The following ZMYM2 variants were observed in gnomAD, a reference collection of about 807,000 sequenced individuals.
The protein encoded by ZMYM2 is zinc finger MYM-type protein 2.
A neutral mutation model predicts 162.8 loss-of-function variants in ZMYM2; 56 were observed. That is an observed-to-expected ratio of 0.34 (90% CI 0.28 to 0.43). ZMYM2 has a LOEUF of 0.43. ZMYM2 is among the 20% of genes least tolerant of loss of function. ZMYM2 has a pLI of 1.00. For synonymous variants in ZMYM2, 510 were observed against 541.6 expected, an observed-to-expected ratio of 0.94 and a Z score of 0.81; for missense variants, 1,275 against 1,621.8, an observed-to-expected ratio of 0.79 and a Z score of 3.67.
chr13:20,052,995 A>T (rs1955499362), intron 14 of ZMYM2, among the ~76,000 whole-genome samples: 1 of 152,142 alleles, frequency 6.6e-6, no homozygotes, highest in Admixed American at 6.5e-5. Flanking sequence ...TTTTCCTCCA[A>T]TTTATTTTTC....
At chr13:20,018,202 C>T (rs1951779483) in intron 6 of ZMYM2, among the ~76,000 whole-genome samples, 1 of 152,094 alleles carries the variant, frequency 6.6e-6, no homozygotes, top group Non-Finnish European at 1.5e-5. Flanking sequence ...GATTCTTCTT[C>T]AGTGGATAGA....
At chr13:19,941,218 G>C in the ZMYM2 span, among the ~76,000 whole-genome samples, 4 of 151,614 alleles carry the variant, frequency 2.6e-5, no homozygotes, top group African/African-American at 9.7e-5. Context: ...GTGAAGTAGA[G>C]AATCGCTTCA....
chr13:20,019,106 C>CAA (rs67352152), intron 6 of ZMYM2, among the ~76,000 whole-genome samples: 1 of 134,940 alleles, frequency 7.4e-6, no homozygotes, highest in Non-Finnish European at 1.5e-5. Context: ...ACAACAACAA[C>CAA]AAAAAAAAAC....
the ZMYM2 span, among the ~76,000 whole-genome samples, chr13:19,896,703 GC>G: frequency 7.0e-3 from 957 of 136,816 alleles, 4 homozygotes; most frequent in Non-Finnish European, 0.01. Flanking sequence ...CTTGCAGTGA[GC>G]CAAGATTGTG....
At chr13:19,878,871 A>G in the ZMYM2 span, among the ~76,000 whole-genome samples, 1 of 152,126 alleles carries the variant, frequency 6.6e-6, no homozygotes, top group African/African-American at 2.4e-5. Context: ...TAGGAGTTAT[A>G]TATATAGACT....
intron 2 of ZMYM2, among the ~76,000 whole-genome samples, chr13:19,985,419 T>C (rs1461942255): frequency 6.6e-6 from 1 of 152,210 alleles, no homozygotes; most frequent in Non-Finnish European, 1.5e-5. Flanking sequence ...CTACCATGCC[T>C]GGCCCCATTC....
rs144807807 is a variant in ZMYM2, at chr13:20,054,834, CAG to C, written c.2493+2525_2493+2526del. 2.4e-3 allele frequency among the ~76,000 whole-genome samples: 360 copies of C among 152,202 alleles called. 3 individuals carry two copies. Among genetic ancestry groups the C allele is most frequent in the African/African-American group, 8.4e-3 (350 of 41,506 alleles). On this transcript the variant is annotated intron_variant, in intron 14 of 24. Transcript: ENST00000610343. ...AACTTTCCTAATGCCTGGTATGTAA[CAG>C]ATACTGTTTGCTAAGTTATTCTTTC...
intron 12 of ZMYM2, among the ~76,000 whole-genome samples, chr13:20,040,498 C>G (rs1307236819): frequency 2.0e-5 from 3 of 151,912 alleles, no homozygotes; most frequent in African/African-American, 7.3e-5. Context: ...ATTAGTCTAG[C>G]TAGCAGTCTG....
the ZMYM2 span, among the ~76,000 whole-genome samples, chr13:19,870,580 T>TTCCTTCCTTCCTTCCTTCC: frequency 3.8e-5 from 5 of 132,158 alleles, no homozygotes; most frequent in African/African-American, 1.5e-4. Context: ...CCTTCTTTCC[T>TTCCTTCCTTCCTTCCTTCC]TTCCTTCCTT....
At chr13:19,884,704 G>A in the ZMYM2 span, among the ~76,000 whole-genome samples, 5 of 152,152 alleles carry the variant, frequency 3.3e-5, no homozygotes, top group East Asian at 7.7e-4. Context: ...TCCTTGCGGC[G>A]GATTCCTGGT....
chr13:20,050,185 C>A (rs998377755), intron 12 of ZMYM2, among the ~76,000 whole-genome samples: 1 of 151,394 alleles, frequency 6.6e-6, no homozygotes, highest in Non-Finnish European at 1.5e-5. Context: ...TACTATAAAT[C>A]TTCATTTAAC....
At chr13:19,958,660 T>C (rs114744549), upstream of ZMYM2, 15,560 of 153,080 alleles carry the variant, frequency 0.1, 1,319 homozygotes, top group African/African-American at 0.22. Flanking sequence ...GCCTTCCCCG[T>C]CAGCCAATGA....
the ZMYM2 span, among the ~76,000 whole-genome samples, chr13:19,951,807 G>A: frequency 3.5e-4 from 53 of 152,198 alleles, no homozygotes; most frequent in Non-Finnish European, 2.4e-4. Context: ...TTAATACAGC[G>A]ATGATGGAAA....
At chr13:19,977,130 A>C (rs534754131) in intron 2 of ZMYM2, among the ~76,000 whole-genome samples, 3 of 152,160 alleles carry the variant, frequency 2.0e-5, no homozygotes, top group African/African-American at 7.2e-5. Context: ...TAGGTTTTCT[A>C]TCCTAACAGA....
chr13:19,918,290 C>CTA, the ZMYM2 span, among the ~76,000 whole-genome samples: 5 of 151,532 alleles, frequency 3.3e-5, no homozygotes, highest in African/African-American at 7.3e-5. Flanking sequence ...ACTAAAAATT[C>CTA]AAAAATTAGC....
chr13:20,056,646 G>T (rs1955817877), intron 14 of ZMYM2, among the ~76,000 whole-genome samples: 1 of 151,800 alleles, frequency 6.6e-6, no homozygotes, highest in African/African-American at 2.4e-5. Context: ...ATAACTGTTG[G>T]GAAGATGTTT....
chr13:19,985,945 G>C (rs567163993), intron 2 of ZMYM2, among the ~76,000 whole-genome samples: 5 of 152,142 alleles, frequency 3.3e-5, no homozygotes, highest in African/African-American at 1.2e-4. Context: ...CAGCTACTCA[G>C]GAGGTTGAGG....
intron 2 of ZMYM2, among the ~76,000 whole-genome samples, chr13:19,966,211 C>T (rs1238348964): frequency 1.3e-5 from 2 of 150,828 alleles, no homozygotes; most frequent in Admixed American, 6.6e-5. Context: ...CTCGGCTCAA[C>T]GCAACCTCCG....
chr13:19,918,855 T>A, the ZMYM2 span, among the ~76,000 whole-genome samples: 2 of 152,280 alleles, frequency 1.3e-5, no homozygotes, highest in Admixed American at 1.3e-4. Flanking sequence ...TTTTCAAGTT[T>A]ACTGCTGACC....
Sources: gnomAD v4.1 joint callset for allele counts (sites outside exome capture counted in the v4.1 genomes callset) on GRCh38, gnomAD v4.1.1 for gene constraint, MANE v1.5 for transcripts, NCBI Gene and HGNC (gene_info 2026-07-23, HGNC 2026-07-21) for gene names.